The following CTSV variants were observed in gnomAD, a reference collection of about 807,000 sequenced individuals.
CTSV encodes cathepsin V, also known as cathepsin L2.
CTSV carries 33 observed loss-of-function variants against 35.6 expected under a neutral mutation model. That is an observed-to-expected ratio of 0.93 (90% CI 0.70 to 1.24). CTSV has a LOEUF of 1.24. CTSV is among the 50% of genes most tolerant of loss of function. CTSV has a pLI of 0.00. For missense variants in CTSV, 408 were observed against 413.1 expected (o/e 0.99, Z 0.11); for synonymous variants, 154 against 147.1 (o/e 1.05, Z -0.34).
At chr9:97,037,444 T>C in intron 3 of CTSV, 46 bp from the exon 4 acceptor site, 1 of 1,613,744 alleles carries the variant, frequency 6.2e-7, no homozygotes, top group Non-Finnish European at 8.5e-7. Flanking sequence ...ACTATTTTGG[T>C]GAAGAACTGA....
At chr9:97,036,364 TG>T in intron 5 of CTSV, 158 bp downstream of exon 5, 1 of 687,878 alleles carries the variant, frequency 1.5e-6, no homozygotes, top group Non-Finnish European at 2.6e-6. Context: ...CCACCACGCC[TG>T]GCCAAAGGCT....
At chr9:97,036,923 G>A (rs1319879785) in intron 4 of CTSV, among the ~76,000 whole-genome samples, 176 bp from the exon 5 acceptor site, 1 of 151,862 alleles carries the variant, frequency 6.6e-6, no homozygotes, top group African/African-American at 2.4e-5. Context: ...TGGCCAACAT[G>A]GTGAAACCCT....
At chr9:97,039,529 C>T (rs1489421630), upstream of CTSV, 1 of 152,238 alleles carries the variant, frequency 6.6e-6, no homozygotes, top group African/African-American at 2.4e-5. Flanking sequence ...AGGGTACTCT[C>T]GTTCAGTGGC....
Position 97,038,022 on chromosome 9 carries a change from C to A in CTSV, c.22G>T (p.Ala8Ser). 1 of 1,613,634 alleles carries A rather than the reference C, an allele frequency of 6.2e-7. No homozygotes were observed. The highest frequency in any genetic ancestry group is 1.7e-5 in the Admixed American group (1 of 59,982). MNLSLVL[A>S]AFCLGIASAV... ...GAGGCTATTCCCAAGCAAAAGGCAG[C>A]CAGGACGAGCGAAAGATTCATGTTT... Residue 8 changes from alanine (A) to serine (S), a missense_variant, in exon 2 of 8, where the codon GCT becomes TCT. Ala to Ser is a moderately conservative substitution (Grantham distance 99). Transcript: ENST00000259470.
rs932504048 is a variant in CTSV, at chr9:97,032,799, C to T, written c.*150G>A. The T allele has an allele frequency of 5.8e-6, 3 of 519,720 alleles. No individual in the cohort carries two copies. Among genetic ancestry groups the T allele is most frequent in the Non-Finnish European group, 6.8e-6 (2 of 295,878 alleles). 32.2% of individuals were successfully genotyped at this position (519,720 alleles called of 1,614,324 possible). ...AATTAAAGTAGTGGTAACATTTTAC[C>T]CTTGTAAAAATGTCACAGAATTAAA... On this transcript the variant is annotated 3_prime_UTR_variant, in exon 8 of 8. Coordinates refer to ENST00000259470, the MANE Select transcript of CTSV (RefSeq NM_001333.4).
chr9:97,033,853 T>C (rs926933967), intron 7 of CTSV, among the ~76,000 whole-genome samples: 23 of 152,046 alleles, frequency 1.5e-4, no homozygotes, highest in African/African-American at 5.6e-4. Context: ...ACCAGTGCTT[T>C]GGGAGGCCAA....
rs762798163 is a variant in CTSV at position 97,032,950 on chromosome 9, C to T, written c.1004G>A (p.Ter335=). The stretch of plus-strand genomic sequence containing the variant: ...CCTTCCTCCTCACCATCCATCAGCT[C>T]ACACATTGGGGTAGCTGGCTGCTGT... ...IATAASYPNV[*] Residue 335 remains the stop codon, a stop_retained_variant, in exon 8 of 8, where the codon TGA becomes TAA. Coordinates refer to ENST00000259470, the MANE Select transcript of CTSV (RefSeq NM_001333.4). The T allele has an allele frequency of 1.2e-6, 2 of 1,608,368 alleles. No homozygotes were observed. The highest frequency in any genetic ancestry group is 1.1e-5 in the South Asian group (1 of 90,114).
Position 97,037,255 on chromosome 9 carries a change from A to AT in CTSV, c.392dup (p.Asn131LysfsTer12). Reference sequence around the variant, plus strand: ...TCTGAATCTGACGCTGTCTCACCTGATTCTTCACTGGCGTCACGTAGCCTT... The same window carrying AT: ...TCTGAATCTGACGCTGTCTCACCTGATTTCTTCACTGGCGTCACGTAGCCTT... On this transcript the variant is annotated frameshift_variant, in exon 4 of 8. Transcript: ENST00000259470. LOFTEE classifies it high-confidence loss of function. 6.2e-7 allele frequency: 1 copy of AT among 1,613,724 alleles called. No homozygotes were observed. Among genetic ancestry groups the AT allele is most frequent in the East Asian group, 2.2e-5 (1 of 44,874 alleles).
At chr9:97,036,910 G>A (rs1001180847) in intron 4 of CTSV, among the ~76,000 whole-genome samples, 163 bp from the exon 5 acceptor site, 5 of 151,026 alleles carry the variant, frequency 3.3e-5, no homozygotes, top group Non-Finnish European at 7.4e-5. Context: ...TTTGAAATCC[G>A]CCTGGCCAAC....
intron 4 of CTSV, 122 bp downstream of exon 4, chr9:97,037,130 C>G: frequency 8.9e-7 from 1 of 1,126,710 alleles, no homozygotes; most frequent in South Asian, 1.7e-5. Context: ...AAAAAAAACA[C>G]CAAAAACCAA....
chr9:97,035,550 C>A lies in CTSV; in HGVS notation c.765G>T (p.Ser255=), dbSNP rs761346527. 2 of 1,562,542 alleles carry A rather than the reference C, an allele frequency of 1.3e-6. No individual in the cohort carries two copies. The highest frequency in any genetic ancestry group is 1.7e-6 in the Non-Finnish European group (2 of 1,150,444). ...TACCTGATTTGTAGAACTGGAAGGA[C>A]GAATGGCCTGCATCCATAGCAACGG... ...PISVAMDAGH[S]SFQFYKSGIY... Residue 255 remains serine (S), a synonymous_variant, in exon 6 of 8, where the codon TCG becomes TCT. Coordinates refer to ENST00000259470, the MANE Select transcript of CTSV (RefSeq NM_001333.4).
chr9:97,037,697 G>C, intron 2 of CTSV, 82 bp from the exon 3 acceptor site: 1 of 1,568,132 alleles, frequency 6.4e-7, no homozygotes, highest in Non-Finnish European at 8.7e-7. Context: ...GGCAGAAATG[G>C]AAGAGAAACC....
At chr9:97,037,683 T>G in intron 2 of CTSV, 68 bp from the exon 3 acceptor site, 1 of 1,584,930 alleles carries the variant, frequency 6.3e-7, no homozygotes, top group Non-Finnish European at 8.6e-7. Flanking sequence ...CAAGCCGATT[T>G]GCGGGCAGAA....
In CTSV at chr9:97,037,239, G is replaced by A; in HGVS notation, c.396+13C>T. 1 of 1,612,254 alleles carries A rather than the reference G, an allele frequency of 6.2e-7. No individual in the cohort carries two copies. Among genetic ancestry groups the A allele is most frequent in the East Asian group, 2.2e-5 (1 of 44,864 alleles). Reference sequence around the variant, plus strand: ...TCCTGTGGAGACAGGGTCTGAATCTGACGCTGTCTCACCTGATTCTTCACT... The same window carrying A: ...TCCTGTGGAGACAGGGTCTGAATCTAACGCTGTCTCACCTGATTCTTCACT... On this transcript the variant is annotated intron_variant, in intron 4 of 7. Transcript: ENST00000259470.
intron 5 of CTSV, 56 bp from the exon 6 acceptor site, chr9:97,035,749 A>G: frequency 8.0e-7 from 1 of 1,251,068 alleles, no homozygotes; most frequent in Non-Finnish European, 1.0e-6. Context: ...CCTGGGGAAC[A>G]TTAGTTCTAG....
intron 5 of CTSV, among the ~76,000 whole-genome samples, chr9:97,036,230 C>T (rs1373446699): frequency 3.3e-5 from 5 of 151,992 alleles, no homozygotes; most frequent in East Asian, 3.9e-4. Context: ...GCCACCAGGC[C>T]GGGCTAATTT....
Position 97,031,777 on chromosome 9 carries a change from C to T in CTSV, c.*1172G>A, listed in dbSNP as rs537751775. The T allele has an allele frequency of 1.3e-5, 2 of 152,346 alleles. No individual in the cohort carries two copies. The highest frequency in any genetic ancestry group is 4.1e-4 in the South Asian group (2 of 4,828). 9.4% of individuals were successfully genotyped at this position (152,346 alleles called of 1,614,324 possible). A position where few individuals can be genotyped will look rare whatever the true frequency, so the allele number is the denominator to read the frequency against. On this transcript the variant is annotated 3_prime_UTR_variant, in exon 8 of 8. Transcript: ENST00000259470. ...GCCTCTTTTTGTAGCCCAGCCTCAT[C>T]TCTTGTGGACCTTGAACAAATTTCT...
intron 1 of CTSV, chr9:97,038,354 G>A: frequency 3.8e-6 from 1 of 262,144 alleles, no homozygotes. Flanking sequence ...GTTGGTCCAG[G>A]TTTTGCACCA....
Position 97,037,367 on chromosome 9 carries a change from CA to C in CTSV, c.280del (p.Cys94AlafsTer33). 6.2e-7 allele frequency: 1 copy of C among 1,614,162 alleles called. No homozygotes were observed. On this transcript the variant is annotated frameshift_variant, in exon 4 of 8. Transcript: ENST00000259470. LOFTEE classifies it high-confidence loss of function. Reference sequence around the variant, plus strand: ...CTTCCTGAATTTCTGGTTTCGAAAGCAACCCATCATCTGCCTGAATTCTTCA... The same window carrying C: ...CTTCCTGAATTTCTGGTTTCGAAAGCACCCATCATCTGCCTGAATTCTTCA... ...TNEEFRQMMG[C>X]FRNQKFRKGK...
Sources: gnomAD v4.1 joint callset for allele counts (sites outside exome capture counted in the v4.1 genomes callset) on GRCh38, gnomAD v4.1.1 for gene constraint, MANE v1.5 for transcripts, NCBI Gene and HGNC (gene_info 2026-07-23, HGNC 2026-07-21) for gene names.